Variants in SEMA3C observed in about 807,000 individuals in gnomAD.
SEMA3C encodes the protein semaphorin-3C.
SEMA3C carries 47 observed loss-of-function variants against 89.4 expected under a neutral mutation model. The observed-to-expected ratio is 0.53, with a 90% CI of 0.42 to 0.67. The LOEUF is 0.67. SEMA3C is among the 30% of genes least tolerant of loss of function. The pLI, the probability that SEMA3C is intolerant of heterozygous loss-of-function variation, is 0.00. For missense variants in SEMA3C, 839 were observed against 929.1 expected, an observed-to-expected ratio of 0.90 and a Z score of 1.26; for synonymous variants, 310 against 320.2, an observed-to-expected ratio of 0.97 and a Z score of 0.34.
chr7:80,874,997 T>A (rs958310665), intron 2 of SEMA3C, among the ~76,000 whole-genome samples: 12 of 151,848 alleles, frequency 7.9e-5, no homozygotes, highest in African/African-American at 2.9e-4. Flanking sequence ...GACAGGACAA[T>A]TGCTTGAACT....
chr7:80,758,217 T>C (rs1302434996), intron 15 of SEMA3C, 114 bp downstream of exon 15: 4 of 1,169,196 alleles, frequency 3.4e-6, no homozygotes, highest in Admixed American at 2.3e-5. Flanking sequence ...ACATAGCTTC[T>C]ACCTTTAATG....
chr7:80,887,428 C>T (rs2116131257), intron 2 of SEMA3C, among the ~76,000 whole-genome samples: 1 of 152,214 alleles, frequency 6.6e-6, no homozygotes, highest in South Asian at 2.1e-4. Flanking sequence ...ATGGTTCTAT[C>T]TTCAGTAAAT....
chr7:80,805,594 G>A (rs755771317), intron 7 of SEMA3C, 45 bp downstream of exon 7: 5 of 1,547,772 alleles, frequency 3.2e-6, no homozygotes, highest in East Asian at 4.6e-5. Flanking sequence ...AAATAAGTTA[G>A]TTTAACACGA....
intron 2 of SEMA3C, among the ~76,000 whole-genome samples, chr7:80,901,461 A>G (rs1791878478): frequency 6.6e-6 from 1 of 152,216 alleles, no homozygotes; most frequent in Non-Finnish European, 1.5e-5. Context: ...TACACCTGCA[A>G]CTATATCCTA....
Position 80,800,763 on chromosome 7 carries a change from G to A in SEMA3C, c.980C>T (p.Thr327Ile), listed in dbSNP as rs957729002. Residue 327 changes from threonine to isoleucine, a missense_variant, in exon 10 of 18, where the codon ACA (threonine) becomes ATA (isoleucine). Coordinates refer to ENST00000265361, the MANE Select transcript of SEMA3C (RefSeq NM_006379.5). ...RTTLVYGIFT[T>I]SSSVFKGSAV... The stretch of plus-strand genomic sequence containing the variant: ...GTAACTGTTGAATAATTACCTTGAT[G>A]TTGTAAAAATGCCATACACTAGTGT... The A allele has an allele frequency of 1.8e-5, 27 of 1,522,786 alleles. No homozygotes were observed. Among genetic ancestry groups the A allele is most frequent in the African/African-American group, 1.4e-4 (10 of 69,580 alleles). The allele number at this position is 1,522,786 out of a possible 1,614,324, so 94.3% of individuals were successfully genotyped here.
At chr7:80,815,140 A>G (rs1257876950) in intron 5 of SEMA3C, among the ~76,000 whole-genome samples, 3 of 152,196 alleles carry the variant, frequency 2.0e-5, no homozygotes, top group Non-Finnish European at 2.9e-5. Flanking sequence ...ATATTTCTGG[A>G]TTGAACAATG....
At chr7:80,833,926 T>C (rs535242253) in intron 2 of SEMA3C, among the ~76,000 whole-genome samples, 5 of 152,322 alleles carry the variant, frequency 3.3e-5, no homozygotes, top group South Asian at 2.1e-4. Flanking sequence ...AAGTGACTGA[T>C]GTAATGATTT....
intron 6 of SEMA3C, 69 bp downstream of exon 6, chr7:80,810,542 G>C: frequency 8.4e-7 from 1 of 1,195,658 alleles, no homozygotes; most frequent in Non-Finnish European, 1.2e-6. Context: ...TCAAGAATAG[G>C]TATACCATGT....
At chr7:80,882,407 G>A (rs1376051745) in intron 2 of SEMA3C, among the ~76,000 whole-genome samples, 1 of 142,514 alleles carries the variant, frequency 7.0e-6, no homozygotes, top group Admixed American at 7.0e-5. Flanking sequence ...AATTTGTAAG[G>A]GATGCTTTTT....
intron 2 of SEMA3C, among the ~76,000 whole-genome samples, chr7:80,910,270 T>G (rs1792112411): frequency 6.6e-6 from 1 of 152,174 alleles, no homozygotes; most frequent in African/African-American, 2.4e-5. Context: ...TAAAAAGCAT[T>G]TTACAGAAGT....
rs567715432 is a variant in SEMA3C at position 80,797,612 on chromosome 7, A to G, written c.1131+480T>C. Reference sequence around the variant, plus strand: ...CATTTTCTTCCTATGAGATATATGTAACACAATTTCTATCTAAATAGATTC... The same window carrying G: ...CATTTTCTTCCTATGAGATATATGTGACACAATTTCTATCTAAATAGATTC... On this transcript the variant is annotated intron_variant, in intron 11 of 17. Transcript: ENST00000265361. Among the ~76,000 whole-genome samples the G allele has an allele frequency of 3.0e-4, 45 of 152,342 alleles. 1 individual carries two copies. The highest frequency in any genetic ancestry group is 1.0e-3 in the South Asian group (5 of 4,830).
At chr7:80,895,736 T>TA (rs923435082) in intron 2 of SEMA3C, among the ~76,000 whole-genome samples, 3 of 152,128 alleles carry the variant, frequency 2.0e-5, no homozygotes, top group Non-Finnish European at 4.4e-5. Context: ...GAGAATGCCT[T>TA]AAAAAATCTT....
intron 10 of SEMA3C, among the ~76,000 whole-genome samples, chr7:80,799,865 A>T (rs2115655024): frequency 6.6e-6 from 1 of 150,544 alleles, no homozygotes; most frequent in African/African-American, 2.4e-5. Flanking sequence ...AAAAAAAAAA[A>T]AAATGGCCGG....
intron 2 of SEMA3C, among the ~76,000 whole-genome samples, chr7:80,874,345 T>G (rs1193455765): frequency 6.6e-6 from 1 of 152,232 alleles, no homozygotes; most frequent in African/African-American, 2.4e-5. Context: ...AGGCAGGGTT[T>G]TGAGAAATTA....
At position 80,789,430 on chromosome 7, in the gene SEMA3C, G is replaced by A. The variant is rs1198617414; in HGVS notation, c.1230C>T (p.Ser410=). The A allele has an allele frequency of 1.2e-6, 2 of 1,613,932 alleles. No individual in the cohort carries two copies. Among genetic ancestry groups the A allele is most frequent in the African/African-American group, 2.7e-5 (2 of 74,898 alleles). Residue 410 remains serine, a synonymous_variant, in exon 12 of 18, where the codon TCC becomes TCT. Transcript: ENST00000265361. ...AAGGCCTTTTGTGGATTGGGTAGAT[G>A]GAATTGTACATGAGAGGATGGTTCC... ...FIRNHPLMYN[S]IYPIHKRPLI... is the part of the protein sequence containing the mutation.
intron 13 of SEMA3C, among the ~76,000 whole-genome samples, chr7:80,762,566 C>T (rs2117055027): frequency 6.6e-6 from 1 of 152,266 alleles, no homozygotes; most frequent in Middle Eastern, 3.4e-3. Context: ...CGCCTGTAAT[C>T]CCAGCACTTT....
At chr7:80,755,182 A>C (rs1056831285) in intron 15 of SEMA3C, among the ~76,000 whole-genome samples, 2 of 151,580 alleles carry the variant, frequency 1.3e-5, no homozygotes, top group African/African-American at 4.9e-5. Context: ...TGTAAATGCA[A>C]AGAACTGCAT....
intron 12 of SEMA3C, among the ~76,000 whole-genome samples, chr7:80,778,979 G>A (rs1263319164): frequency 2.0e-5 from 3 of 152,026 alleles, no homozygotes; most frequent in Non-Finnish European, 4.4e-5. Flanking sequence ...TGGTCTCCTA[G>A]AGTGACTTCA....
At chr7:80,752,078 C>A (rs192197149) in intron 15 of SEMA3C, among the ~76,000 whole-genome samples, 58 of 152,256 alleles carry the variant, frequency 3.8e-4, no homozygotes, top group Admixed American at 7.2e-4. Flanking sequence ...GTTACAGATA[C>A]AATAATGCTT....
Sources: gnomAD v4.1 joint callset for allele counts (sites outside exome capture counted in the v4.1 genomes callset) on GRCh38, gnomAD v4.1.1 for gene constraint, MANE v1.5 for transcripts, NCBI Gene and HGNC (gene_info 2026-07-23, HGNC 2026-07-21) for gene names.